Variants in DNMT3A observed in about 807,000 individuals in gnomAD.
DNMT3A encodes the protein DNA (cytosine-5)-methyltransferase 3A.
DNMT3A carries 267 observed loss-of-function variants against 117.6 expected under a neutral mutation model. The observed-to-expected ratio is 2.27, with a 90% CI of 2.05 to 2.51. DNMT3A has a LOEUF of 2.51. Among genes scored for constraint, DNMT3A ranks in the 30% most tolerant of loss-of-function variants. The probability of loss-of-function intolerance (pLI) is 0.00; values close to 1 mark genes in which losing one functional copy is unlikely to be tolerated. For missense variants in DNMT3A, 1,029 were observed against 1,260.2 expected, an observed-to-expected ratio of 0.82 and a Z score of 2.78; for synonymous variants, 432 against 474.8, an observed-to-expected ratio of 0.91 and a Z score of 1.17.
intron 17 of DNMT3A, 36 bp downstream of exon 17, chr2:25,241,526 G>T: frequency 6.3e-7 from 1 of 1,593,802 alleles, no homozygotes; most frequent in Non-Finnish European, 8.5e-7. Flanking sequence ...TGTGCAGGGA[G>T]GGGAAGACGG....
chr2:25,250,424 A>G (rs1317701897), intron 6 of DNMT3A, among the ~76,000 whole-genome samples: 1 of 152,190 alleles, frequency 6.6e-6, no homozygotes, highest in Non-Finnish European at 1.5e-5. Context: ...CAGCTGGGAA[A>G]ATGAGCTCAT....
At position 25,282,468 on chromosome 2, in the gene DNMT3A, C is replaced by G. The variant is rs1310435543; in HGVS notation, c.421G>C (p.Glu141Gln). 1.2e-6 allele frequency: 2 copies of G among 1,613,010 alleles called. No individual in the cohort carries two copies. Among genetic ancestry groups the G allele is most frequent in the East Asian group, 4.5e-5 (2 of 44,882 alleles). The change falls in exon 4 of 23, where the codon GAG becomes CAG. Residue 141 changes from glutamate (E) to glutamine (Q), a missense_variant. Glu to Gln is a conservative substitution (Grantham distance 29, BLOSUM62 2). Transcript: ENST00000321117. This position sits in a 1 kb window ranked among gnomAD's most constrained non-coding sequence, Gnocchi z 5.2. Reference protein sequence around the residue: ...AVENGCCTPKEGRGAPAEAGK... With the variant: ...AVENGCCTPKQGRGAPAEAGK... ...GCTTCTGCAGGGGCTCCTCGGCCCT[C>G]CTTGGGGGTGCAGCAGCCATTTTCC... is the stretch of plus-strand genomic sequence containing the variant.
rs1031160073 is a variant in DNMT3A at position 25,310,203 on chromosome 2, C to G, written c.72+3710G>C. Among the ~76,000 whole-genome samples, 5 of 152,210 alleles carry G rather than the reference C, an allele frequency of 3.3e-5. 1 individual carries two copies. Among genetic ancestry groups the G allele is most frequent in the Admixed American group, 2.6e-4 (4 of 15,284 alleles). On this transcript the variant is annotated intron_variant, in intron 2 of 22. Coordinates refer to ENST00000321117, the MANE Select transcript of DNMT3A (RefSeq NM_022552.5). ...CTGGCCTGGGGCTGTGGACTCCCCT[C>G]TGATTCATATTTGGGGATCTGAGGT...
Position 25,240,358 on chromosome 2 carries a change from CAA to C in DNMT3A, c.2264_2265del (p.Phe755Ter), listed in dbSNP as rs752551332. 3.1e-6 allele frequency: 5 copies of C among 1,614,092 alleles called. No homozygotes were observed. Among genetic ancestry groups the C allele is most frequent in the South Asian group, 1.1e-5 (1 of 91,090 alleles). On this transcript the variant is annotated frameshift_variant, in exon 19 of 23. Transcript: ENST00000321117. LOFTEE classifies it high-confidence loss of function. ...EGDDRPFFWL[F>X]ENVVAMGVSD... is the part of the protein sequence containing the mutation. Reference sequence around the variant, plus strand: ...CTAACGCCCATGGCCACCACATTCTCAAAGAGCCAGAAGAAGGGGCGATCATC... The same window carrying C: ...CTAACGCCCATGGCCACCACATTCTCAGAGCCAGAAGAAGGGGCGATCATC...
chr2:25,272,576 G>T (rs900947127), intron 6 of DNMT3A, among the ~76,000 whole-genome samples: 3 of 152,102 alleles, frequency 2.0e-5, no homozygotes, highest in Admixed American at 6.5e-5. Context: ...TCTGGGTTGC[G>T]GGGAACCCAG....
rs1244532561 is a variant in DNMT3A, at chr2:25,341,924, G to A, written c.-276C>T. ...TGCTCTCGCCGCCGCCGCCGCCCGC[G>A]CGCCCTCCCTCCCTCCCGGCCCGCC... On this transcript the variant is annotated 5_prime_UTR_variant, in exon 1 of 23. Coordinates refer to ENST00000321117, the MANE Select transcript of DNMT3A (RefSeq NM_022552.5). 1.1e-5 allele frequency: 11 copies of A among 977,016 alleles called. No homozygotes were observed. The Middle Eastern group carries it at 2.6e-3, about 235-fold the overall frequency. 60.5% of individuals were successfully genotyped at this position (977,016 alleles called of 1,614,324 possible). A position where few individuals can be genotyped will look rare whatever the true frequency, so the allele number is the denominator to read the frequency against.
chr2:25,294,278 G>A lies in DNMT3A; in HGVS notation c.177+5861C>T, dbSNP rs757533366. 4.6e-5 allele frequency among the ~76,000 whole-genome samples: 7 copies of A among 152,206 alleles called. No homozygotes were observed. The highest frequency in any genetic ancestry group is 9.6e-5 in the African/African-American group (4 of 41,452). On this transcript the variant is annotated intron_variant, in intron 3 of 22. Coordinates refer to ENST00000321117, the MANE Select transcript of DNMT3A (RefSeq NM_022552.5). The surrounding 1 kb of genome is among the most constrained non-coding windows in gnomAD (Gnocchi z 4.7). ...GGCCCTTCCATGCAGCACTCCAGTA[G>A]CGGGCGTTGATTTCACCGCTCAGGT...
chr2:25,251,158 G>GGC (rs1675493681), intron 6 of DNMT3A, among the ~76,000 whole-genome samples: 1 of 144,484 alleles, frequency 6.9e-6, no homozygotes, highest in Admixed American at 6.7e-5. Context: ...AGAAGCGGGG[G>GGC]GGGGGGTGGG....
chr2:25,231,534 G>C lies in DNMT3A; in HGVS notation c.*2745C>G, dbSNP rs911185853. 4 of 152,224 alleles carry C rather than the reference G, an allele frequency of 2.6e-5. No homozygotes were observed. The highest frequency in any genetic ancestry group is 5.9e-5 in the Non-Finnish European group (4 of 68,050). 9.4% of individuals were successfully genotyped at this position (152,224 alleles called of 1,614,324 possible). ...GGGTCCAAAGCCTTGGTTTGGTTTT[G>C]TCACTAATTACTAATTTGGTTTATT... On this transcript the variant is annotated 3_prime_UTR_variant, in exon 23 of 23. Transcript: ENST00000321117.
At chr2:25,295,255 C>A (rs537213026) in intron 3 of DNMT3A, among the ~76,000 whole-genome samples, 1 of 152,346 alleles carries the variant, frequency 6.6e-6, no homozygotes, top group Non-Finnish European at 1.5e-5. Flanking sequence ...GCTCCACGCA[C>A]CAGCCCCCGC....
chr2:25,289,563 C>A (rs541835396), intron 3 of DNMT3A, among the ~76,000 whole-genome samples: 15 of 152,326 alleles, frequency 9.8e-5, no homozygotes, highest in African/African-American at 3.6e-4. Context: ...GGTCACACGC[C>A]TCTGATCAGT....
intron 1 of DNMT3A, among the ~76,000 whole-genome samples, chr2:25,328,225 G>A (rs905433652): frequency 5.3e-5 from 8 of 152,140 alleles, no homozygotes; most frequent in African/African-American, 1.4e-4. Flanking sequence ...TTAAAAATCC[G>A]GTGATGCCAA....
At chr2:25,319,715 G>A (rs1342442948) in intron 1 of DNMT3A, among the ~76,000 whole-genome samples, 3 of 151,906 alleles carry the variant, frequency 2.0e-5, no homozygotes, top group African/African-American at 4.8e-5. Context: ...CACAGGTATC[G>A]CTCGTGGCCA....
chr2:25,284,937 C>T (rs967019314), intron 3 of DNMT3A, among the ~76,000 whole-genome samples: 3 of 152,140 alleles, frequency 2.0e-5, no homozygotes, highest in African/African-American at 7.2e-5. Context: ...TTTCACTTAA[C>T]AAGCAGAGTG....
At position 25,303,966 on chromosome 2, in the gene DNMT3A, A is replaced by G. The variant is rs116513711; in HGVS notation, c.73-3723T>C. On this transcript the variant is annotated intron_variant, in intron 2 of 22. Coordinates refer to ENST00000321117, the MANE Select transcript of DNMT3A (RefSeq NM_022552.5). ...CTGATGGGTTGAGCAAAGGAATGTAAAACATGCTTATCAAATCTGCAAGTA... is the reference window on the plus strand; with the variant it reads ...CTGATGGGTTGAGCAAAGGAATGTAGAACATGCTTATCAAATCTGCAAGTA... Among the ~76,000 whole-genome samples, 784 of 152,340 alleles carry G rather than the reference A, an allele frequency of 5.1e-3. 7 individuals are homozygous for G. The highest frequency in any genetic ancestry group is 0.018 in the African/African-American group (754 of 41,570).
intron 4 of DNMT3A, among the ~76,000 whole-genome samples, chr2:25,279,556 A>C (rs1360657601): frequency 1.3e-5 from 2 of 152,136 alleles, no homozygotes; most frequent in Non-Finnish European, 2.9e-5. Context: ...GCGAGGTAAC[A>C]TCTCACCAAT....
intron 2 of DNMT3A, among the ~76,000 whole-genome samples, chr2:25,303,391 TA>T (rs2033619188): frequency 6.6e-6 from 1 of 152,234 alleles, no homozygotes; most frequent in African/African-American, 2.4e-5. Context: ...ATCTCTCACC[TA>T]CACCACGTGT....
intron 1 of DNMT3A, among the ~76,000 whole-genome samples, chr2:25,336,714 G>A (rs1429877288): frequency 6.6e-6 from 1 of 151,922 alleles, no homozygotes; most frequent in Non-Finnish European, 1.5e-5. Flanking sequence ...GAGGAGTTCC[G>A]GAGTGCAGGG....
At chr2:25,239,066 A>C (rs1042819729) in intron 20 of DNMT3A, 64 bp downstream of exon 20, 3 of 1,492,932 alleles carry the variant, frequency 2.0e-6, no homozygotes, top group Non-Finnish European at 2.8e-6. Flanking sequence ...GGGCTTCCCC[A>C]CTATGGGTCA....
Sources: allele counts gnomAD v4.1 joint callset (sites outside exome capture counted in the v4.1 genomes callset), GRCh38; gene constraint gnomAD v4.1.1; non-coding constraint Gnocchi (gnomAD v3.1); transcripts MANE v1.5; gene names NCBI Gene and HGNC (gene_info 2026-07-23, HGNC 2026-07-21).